Variants in TTLL9 observed in about 807,000 individuals in gnomAD.
TTLL9 encodes the protein probable tubulin polyglutamylase TTLL9.
TTLL9 carries 47 observed loss-of-function variants against 65.6 expected under a neutral mutation model. The observed-to-expected ratio is 0.72, with a 90% CI of 0.57 to 0.91. TTLL9 has a LOEUF of 0.91. Among genes scored for constraint, TTLL9 ranks in the 40% least tolerant of loss-of-function variants. TTLL9 has a pLI of 0.00. For missense variants in TTLL9, 537 were observed against 568.8 expected (o/e 0.94, Z 0.57); for synonymous variants, 179 against 204.8 (o/e 0.87, Z 1.07).
At chr20:31,901,077 A>G (rs2063471112) in intron 4 of TTLL9, among the ~76,000 whole-genome samples, 1 of 152,242 alleles carries the variant, frequency 6.6e-6, no homozygotes, top group African/African-American at 2.4e-5. Context: ...ATTTCCAGAC[A>G]GAATCAGGTC....
intron 3 of TTLL9, among the ~76,000 whole-genome samples, chr20:31,898,240 C>T (rs1239425128): frequency 6.6e-6 from 1 of 152,214 alleles, no homozygotes; most frequent in East Asian, 1.9e-4. Flanking sequence ...CAGACCATGC[C>T]TGGCACATAG....
At chr20:31,937,265 TAGAA>T (rs2064127509) in intron 12 of TTLL9, 127 bp from the exon 13 acceptor site, 1 of 574,328 alleles carries the variant, frequency 1.7e-6, no homozygotes, top group Non-Finnish European at 3.1e-6. Flanking sequence ...TAAAAAAAAA[TAGAA>T]AGGTAGAGAG....
intron 3 of TTLL9, among the ~76,000 whole-genome samples, chr20:31,890,300 C>T (rs956149024): frequency 2.6e-5 from 4 of 151,346 alleles, no homozygotes; most frequent in Non-Finnish European, 4.4e-5. Context: ...CACATGGCCA[C>T]CCCAACTGCA....
In TTLL9 at chr20:31,870,635, G is replaced by T. The variant is rs769375185; in HGVS notation, c.-320G>T. On this transcript the variant is annotated 5_prime_UTR_variant, in exon 1 of 15. Transcript: ENST00000535842. This position sits in a 1 kb window ranked among gnomAD's most constrained non-coding sequence, Gnocchi z 6.6. ...CGGCGGGGGGCCGGACAAAGCCCCA[G>T]TGTGCCGGGCCCACGGCCCGCGGGA... The T allele has an allele frequency of 1.5e-6, 2 of 1,321,616 alleles. No homozygotes were observed. The highest frequency in any genetic ancestry group is 2.2e-5 in the South Asian group (1 of 45,784). 81.9% of individuals were successfully genotyped at this position (1,321,616 alleles called of 1,614,324 possible).
intron 2 of TTLL9, among the ~76,000 whole-genome samples, chr20:31,882,571 A>T (rs538254610): frequency 2.1e-4 from 32 of 152,306 alleles, no homozygotes; most frequent in African/African-American, 7.7e-4. Context: ...CTCTGTTTGT[A>T]GCCCATACAA....
intron 2 of TTLL9, chr20:31,879,717 A>G (rs1600516478): frequency 1.7e-6 from 2 of 1,196,372 alleles, no homozygotes; most frequent in South Asian, 1.5e-5. Flanking sequence ...AATAGCCTCC[A>G]GAGGTTCTGG....
intron 7 of TTLL9, chr20:31,920,516 C>T (rs2063801117): frequency 6.5e-6 from 1 of 152,842 alleles, no homozygotes; most frequent in African/African-American, 2.4e-5. Context: ...CCCTCTGAAC[C>T]TGAGCGGTGA....
intron 2 of TTLL9, among the ~76,000 whole-genome samples, chr20:31,880,648 A>T (rs1021469710): frequency 2.0e-5 from 3 of 151,842 alleles, no homozygotes; most frequent in Non-Finnish European, 4.4e-5. Flanking sequence ...GCTCGCCACC[A>T]CGCCCAGCTA....
chr20:31,873,813 GAAGGAAGGAAGA>G (rs1486118288), intron 2 of TTLL9, among the ~76,000 whole-genome samples: 1,417 of 97,632 alleles, frequency 0.015, 5 homozygotes, highest in African/African-American at 0.019. Flanking sequence ...AGGAAGGAAG[GAAGGAAGGAAGA>G]AAGAAAGAAA....
At chr20:31,912,554 G>A (rs568757213) in intron 6 of TTLL9, among the ~76,000 whole-genome samples, 1 of 152,028 alleles carries the variant, frequency 6.6e-6, no homozygotes, top group African/African-American at 2.4e-5. Flanking sequence ...AGCAGTCAGG[G>A]TTCTCCAGAG....
chr20:31,923,739 G>T (rs776914166), intron 8 of TTLL9, among the ~76,000 whole-genome samples: 5 of 152,134 alleles, frequency 3.3e-5, no homozygotes, highest in Non-Finnish European at 7.4e-5. Context: ...TGACATCATT[G>T]CAATAGCGTT....
chr20:31,934,322 C>A (rs1291953877), intron 11 of TTLL9: 1 of 516,716 alleles, frequency 1.9e-6, no homozygotes. Flanking sequence ...CCCTCCCCAG[C>A]TCCATCCCAC....
intron 11 of TTLL9, 188 bp from the exon 12 acceptor site, chr20:31,934,504 C>T (rs573184594): frequency 3.3e-5 from 22 of 672,426 alleles, no homozygotes; most frequent in Non-Finnish European, 5.4e-5. Flanking sequence ...AGCCAGTCCT[C>T]TTAGACATGA....
chr20:31,941,226 G>GAAAAAAA (rs138767749), intron 14 of TTLL9: 96 of 107,848 alleles, frequency 8.9e-4, no homozygotes, highest in Middle Eastern at 9.4e-3. Context: ...CACAGAAAAA[G>GAAAAAAA]AAAAAAAAAA....
chr20:31,876,878 CCTCA>C (rs1291721469), intron 2 of TTLL9, among the ~76,000 whole-genome samples: 5 of 152,218 alleles, frequency 3.3e-5, no homozygotes, highest in East Asian at 1.9e-4. Flanking sequence ...TATTTACATT[CCTCA>C]CTAACATCTG....
chr20:31,889,302 G>C lies in TTLL9; in HGVS notation c.113+2063G>C, dbSNP rs139405848. Among the ~76,000 whole-genome samples, 406 of 147,892 alleles carry C rather than the reference G, an allele frequency of 2.7e-3. 4 individuals carry two copies. The highest frequency in any genetic ancestry group is 0.011 in the African/African-American group (395 of 37,546). On this transcript the variant is annotated intron_variant, in intron 3 of 14. Transcript: ENST00000535842. Reference sequence around the variant, plus strand: ...TTTTTTTGAGACGGAGTCTCACTCTGTTGGCTGGAGTGCAGTGGTGCGATC... The same window carrying C: ...TTTTTTTGAGACGGAGTCTCACTCTCTTGGCTGGAGTGCAGTGGTGCGATC...
intron 4 of TTLL9, among the ~76,000 whole-genome samples, chr20:31,906,650 C>CT (rs943255006): frequency 1.3e-5 from 2 of 151,824 alleles, no homozygotes; most frequent in African/African-American, 2.4e-5. Context: ...AACCAAACAC[C>CT]TTTTTTTTCT....
At chr20:31,871,898 T>C (rs2062939459) in intron 2 of TTLL9, among the ~76,000 whole-genome samples, 1 of 152,372 alleles carries the variant, frequency 6.6e-6, no homozygotes, top group Admixed American at 6.5e-5. Context: ...TATTTTTATT[T>C]AACTCAATAT....
intron 7 of TTLL9, among the ~76,000 whole-genome samples, chr20:31,922,075 C>A (rs1352620751): frequency 3.9e-5 from 6 of 151,990 alleles, no homozygotes; most frequent in African/African-American, 1.5e-4. Context: ...TCGAGACCAG[C>A]CTGGCCAACA....
Sources: allele counts gnomAD v4.1 joint callset (sites outside exome capture counted in the v4.1 genomes callset), GRCh38; gene constraint gnomAD v4.1.1; non-coding constraint Gnocchi (gnomAD v3.1); transcripts MANE v1.5; gene names NCBI Gene and HGNC (gene_info 2026-07-23, HGNC 2026-07-21).